The following JAZF1 variants were observed in gnomAD, a reference collection of about 807,000 sequenced individuals.
JAZF1 encodes the protein juxtaposed with another zinc finger protein 1.
JAZF1 carries 8 observed loss-of-function variants against 26.4 expected under a neutral mutation model. The observed-to-expected ratio is 0.30, with a 90% CI of 0.18 to 0.55. The LOEUF (loss-of-function observed/expected upper bound fraction) is 0.55, where lower values mean the gene tolerates loss of function less well. JAZF1 is among the 20% of genes least tolerant of loss of function. The pLI, the probability that JAZF1 is intolerant of heterozygous loss-of-function variation, is 0.94. For missense variants in JAZF1, 199 were observed against 322.0 expected, an observed-to-expected ratio of 0.62 and a Z score of 2.92; for synonymous variants, 126 against 122.3, an observed-to-expected ratio of 1.03 and a Z score of -0.20.
chr7:27,898,033 A>G (rs1303436195), intron 2 of JAZF1, among the ~76,000 whole-genome samples: 1 of 152,210 alleles, frequency 6.6e-6, no homozygotes, highest in African/African-American at 2.4e-5. Flanking sequence ...AGAAGCTGTT[A>G]TTAATTACAT....
intron 1 of JAZF1, among the ~76,000 whole-genome samples, chr7:28,071,052 T>A (rs570357947): frequency 4.0e-4 from 61 of 152,140 alleles, no homozygotes; most frequent in African/African-American, 1.5e-3. Context: ...CGGGTGAAGG[T>A]AAGATAAACA....
chr7:27,984,371 T>C (rs1220113699), intron 2 of JAZF1, among the ~76,000 whole-genome samples: 1 of 152,138 alleles, frequency 6.6e-6, no homozygotes, highest in African/African-American at 2.4e-5. Context: ...CATTACATAA[T>C]GGTAAAGGGA....
chr7:27,922,736 A>G (rs1251918015), intron 2 of JAZF1, among the ~76,000 whole-genome samples: 1 of 152,060 alleles, frequency 6.6e-6, no homozygotes, highest in African/African-American at 2.4e-5. Context: ...TGACCAAAAT[A>G]TTTCCTTTTA....
intron 2 of JAZF1, 51 bp downstream of exon 2, chr7:27,991,858 C>T (rs780726493): frequency 7.4e-6 from 7 of 944,642 alleles, no homozygotes; most frequent in Admixed American, 6.7e-5. Flanking sequence ...TTTAAAAAGT[C>T]AATAAGCAGC....
chr7:28,025,604 G>T (rs1255244348), intron 1 of JAZF1, among the ~76,000 whole-genome samples: 2 of 152,206 alleles, frequency 1.3e-5, no homozygotes, highest in African/African-American at 4.8e-5. Flanking sequence ...CAAGTTGGCA[G>T]TTAACGTGTT....
chr7:27,972,537 C>A (rs1210820394), intron 2 of JAZF1, among the ~76,000 whole-genome samples: 3 of 152,136 alleles, frequency 2.0e-5, no homozygotes, highest in Non-Finnish European at 2.9e-5. Context: ...GACAGGAAGC[C>A]TTTGGCAGAT....
chr7:27,879,718 CATTT>C (rs1481721290), intron 3 of JAZF1, among the ~76,000 whole-genome samples: 1 of 152,016 alleles, frequency 6.6e-6, no homozygotes, highest in Non-Finnish European at 1.5e-5. Flanking sequence ...ACTAAAAGTA[CATTT>C]ATTTAATATC....
intron 1 of JAZF1, among the ~76,000 whole-genome samples, chr7:28,053,519 G>A (rs568843991): frequency 1.3e-3 from 202 of 152,238 alleles, no homozygotes; most frequent in African/African-American, 4.7e-3. Flanking sequence ...ACACAGATAG[G>A]AGGAAGAAAT....
chr7:27,830,641 G>T lies in JAZF1; in HGVS notation c.*2159C>A. 5.4e-6 allele frequency: 1 copy of T among 184,176 alleles called. No homozygotes were observed. Among genetic ancestry groups the T allele is most frequent in the Non-Finnish European group, 1.2e-5 (1 of 86,478 alleles). 11.4% of individuals were successfully genotyped at this position (184,176 alleles called of 1,614,324 possible). A position where few individuals can be genotyped will look rare whatever the true frequency, so the allele number is the denominator to read the frequency against. On this transcript the variant is annotated 3_prime_UTR_variant, in exon 5 of 5. Transcript: ENST00000283928. ...TTTACATTTATAAGCAGCTTTTCTTGACAGGAATTTTGATTAAATTGCCTT... is the reference window on the plus strand; with the variant it reads ...TTTACATTTATAAGCAGCTTTTCTTTACAGGAATTTTGATTAAATTGCCTT...
chr7:27,978,047 T>C (rs879361348), intron 2 of JAZF1, among the ~76,000 whole-genome samples: 13 of 152,384 alleles, frequency 8.5e-5, no homozygotes, highest in Middle Eastern at 3.4e-3. Flanking sequence ...GCATGCCATA[T>C]GAATGTTGAA....
At chr7:27,992,316 A>T in intron 1 of JAZF1, 1 of 435,806 alleles carries the variant, frequency 2.3e-6, no homozygotes, top group Non-Finnish European at 4.6e-6. Context: ...CCTAAGAAAG[A>T]AAGTCTCTGT....
At chr7:27,987,616 G>C in intron 2 of JAZF1, among the ~76,000 whole-genome samples, 1 of 151,974 alleles carries the variant, frequency 6.6e-6, no homozygotes, top group South Asian at 2.1e-4. Flanking sequence ...AGGGAGATGG[G>C]GGGTGCCTCT....
chr7:27,847,112 TACCACCACAGGCATGC>T (rs1291813870), intron 3 of JAZF1, among the ~76,000 whole-genome samples: 10 of 151,448 alleles, frequency 6.6e-5, no homozygotes, highest in South Asian at 4.2e-4. Flanking sequence ...TATAGGCATG[TACCACCACAGGCATGC>T]ACCACCCCGC....
At chr7:28,107,643 C>A (rs1363561718) in intron 1 of JAZF1, among the ~76,000 whole-genome samples, 1 of 152,164 alleles carries the variant, frequency 6.6e-6, no homozygotes, top group Non-Finnish European at 1.5e-5. Flanking sequence ...ACGTAGTCAA[C>A]CCAAGGCACA....
At position 27,912,900 on chromosome 7, in the gene JAZF1, C is replaced by T. The variant is rs958698209; in HGVS notation, c.189-17484G>A. Among the ~76,000 whole-genome samples the T allele has an allele frequency of 5.3e-5, 8 of 152,234 alleles. No individual in the cohort carries two copies. In the East Asian group the frequency reaches 1.2e-3, roughly 22 times the overall value. On this transcript the variant is annotated intron_variant, in intron 2 of 4. Coordinates refer to ENST00000283928, the MANE Select transcript of JAZF1 (RefSeq NM_175061.4). ...AAGCTCCCTTTCCCCTGTCATCACT[C>T]GTGATGGTGGCAGATACTGTTTCCA...
chr7:28,082,588 C>T (rs1484346374), intron 1 of JAZF1, among the ~76,000 whole-genome samples: 3 of 152,154 alleles, frequency 2.0e-5, no homozygotes, highest in Non-Finnish European at 4.4e-5. Context: ...AGTAGCTCCC[C>T]ACGCTGCAGT....
At chr7:28,108,356 G>T (rs1288408152) in intron 1 of JAZF1, among the ~76,000 whole-genome samples, 1 of 152,152 alleles carries the variant, frequency 6.6e-6, no homozygotes. Flanking sequence ...TTCAAATGAG[G>T]AGCCTCGTCA....
chr7:27,849,782 C>CACACACACACACACACA (rs1554329094), intron 3 of JAZF1, among the ~76,000 whole-genome samples: 3 of 151,148 alleles, frequency 2.0e-5, no homozygotes, highest in Non-Finnish European at 2.9e-5. Context: ...CACCCCTACA[C>CACACACACACACACACA]CTCTTCCCGG....
intron 2 of JAZF1, among the ~76,000 whole-genome samples, chr7:27,935,876 C>G (rs1252172067): frequency 1.3e-5 from 2 of 152,154 alleles, no homozygotes; most frequent in Non-Finnish European, 2.9e-5. Flanking sequence ...TGAGGTCACA[C>G]AGCAGCAGAA....
Sources: allele counts gnomAD v4.1 joint callset (sites outside exome capture counted in the v4.1 genomes callset), GRCh38; gene constraint gnomAD v4.1.1; transcripts MANE v1.5; gene names NCBI Gene and HGNC (gene_info 2026-07-23, HGNC 2026-07-21).